The following RPS6KA5 variants were observed in gnomAD, a reference collection of about 807,000 sequenced individuals.
RPS6KA5 encodes ribosomal protein S6 kinase A5, also known as ribosomal protein S6 kinase alpha-5.
Under a neutral mutation model 85.5 loss-of-function variants are expected in RPS6KA5, and 27 were observed. The observed-to-expected ratio is 0.32, with a 90% confidence interval of 0.23 to 0.44. RPS6KA5 has a LOEUF of 0.44. Among genes scored for constraint, RPS6KA5 ranks in the 20% least tolerant of loss-of-function variants. The probability of loss-of-function intolerance (pLI) is 1.00; values close to 1 mark genes in which losing one functional copy is unlikely to be tolerated. For synonymous variants in RPS6KA5, 334 were observed against 348.2 expected (o/e 0.96, Z 0.46); for missense variants, 811 against 980.9 (o/e 0.83, Z 2.31).
chr14:91,019,799 C>T (rs910554203), intron 1 of RPS6KA5, among the ~76,000 whole-genome samples: 4 of 152,186 alleles, frequency 2.6e-5, no homozygotes, highest in Non-Finnish European at 5.9e-5. Flanking sequence ...CGGAACATAA[C>T]CTCATTGTAA....
rs141403125 is a variant in RPS6KA5, at chr14:91,025,128, T to G, written c.104-23969A>C. ...GGTACGATCTCGGCTCACTGCAACCTCAGCCCCCAGGGTTCAAGCAATTCT... is the reference window on the plus strand; with the variant it reads ...GGTACGATCTCGGCTCACTGCAACCGCAGCCCCCAGGGTTCAAGCAATTCT... On this transcript the variant is annotated intron_variant, in intron 1 of 16. Transcript: ENST00000614987. 8.0e-3 allele frequency among the ~76,000 whole-genome samples: 1,220 copies of G among 152,186 alleles called. 10 individuals carry two copies. The highest frequency in any genetic ancestry group is 0.028 in the African/African-American group (1,145 of 41,512).
chr14:91,039,941 A>G (rs1363134066), intron 1 of RPS6KA5, among the ~76,000 whole-genome samples: 1 of 152,248 alleles, frequency 6.6e-6, no homozygotes, highest in Non-Finnish European at 1.5e-5. Flanking sequence ...AACTTAGACT[A>G]TGGTAATGGC....
intron 2 of RPS6KA5, among the ~76,000 whole-genome samples, chr14:90,981,715 A>G (rs952677799): frequency 2.5e-4 from 38 of 152,246 alleles, no homozygotes; most frequent in African/African-American, 8.2e-4. Flanking sequence ...TTTTACTTTT[A>G]TAATTGCCAT....
In RPS6KA5 at chr14:90,894,312, T is replaced by TA. The variant is rs571545899; in HGVS notation, c.1644+100dup. ...TTATCTATTTAACAGCCTTGAAAAGTAAAAAAATAAGGAAACCTCCCCAGA... is the reference window on the plus strand; with the variant it reads ...TTATCTATTTAACAGCCTTGAAAAGTAAAAAAAATAAGGAAACCTCCCCAGA... On this transcript the variant is annotated intron_variant, in intron 13 of 16. Coordinates refer to ENST00000614987, the MANE Select transcript of RPS6KA5 (RefSeq NM_004755.4). The TA allele has an allele frequency of 5.3e-5, 74 of 1,392,740 alleles. No individual in the cohort carries two copies. The African/African-American group carries it at 6.4e-4, about 12-fold the overall frequency. 86.3% of individuals were successfully genotyped at this position (1,392,740 alleles called of 1,614,324 possible).
chr14:90,982,730 G>A (rs566937360), intron 2 of RPS6KA5, among the ~76,000 whole-genome samples: 17 of 152,324 alleles, frequency 1.1e-4, no homozygotes, highest in Admixed American at 9.1e-4. Context: ...TCTAATCCCA[G>A]CACTTTGGGA....
chr14:91,028,992 A>G (rs2042085502), intron 1 of RPS6KA5, among the ~76,000 whole-genome samples: 1 of 152,196 alleles, frequency 6.6e-6, no homozygotes, highest in Non-Finnish European at 1.5e-5. Flanking sequence ...TATCTATTTA[A>G]TTTTTTATTT....
rs532287346 is a variant in RPS6KA5 at position 90,854,703 on chromosome 14, T to C, written c.*17371A>G. 7.2e-5 allele frequency: 11 copies of C among 152,280 alleles called. No individual in the cohort carries two copies. Among genetic ancestry groups the C allele is most frequent in the African/African-American group, 2.6e-4 (11 of 41,544 alleles). The allele number at this position is 152,280 out of a possible 1,614,324, so 9.4% of individuals were successfully genotyped here. On this transcript the variant is annotated 3_prime_UTR_variant, in exon 17 of 17. Transcript: ENST00000614987. ...ATATACTATACTTACTACAAATACA[T>C]TATCTTCTAAGCCCATTCTTATTTT...
At chr14:90,922,513 A>G (rs1165143056) in intron 6 of RPS6KA5, among the ~76,000 whole-genome samples, 3 of 152,200 alleles carry the variant, frequency 2.0e-5, no homozygotes, top group Non-Finnish European at 4.4e-5. Context: ...CAATGGCACA[A>G]TTTCTGCTCA....
At chr14:91,059,471 T>C (rs2043523587) in intron 1 of RPS6KA5, among the ~76,000 whole-genome samples, 1 of 152,022 alleles carries the variant, frequency 6.6e-6, no homozygotes, top group South Asian at 2.1e-4. Context: ...AGTATTAATA[T>C]ATCTACAATA....
intron 1 of RPS6KA5, among the ~76,000 whole-genome samples, chr14:91,034,417 G>C (rs1351675325): frequency 6.6e-6 from 1 of 152,094 alleles, no homozygotes; most frequent in Non-Finnish European, 1.5e-5. Flanking sequence ...GTGGGGTCTA[G>C]CTAGAGGATT....
chr14:91,022,142 T>C (rs1300906288), intron 1 of RPS6KA5, among the ~76,000 whole-genome samples: 1 of 152,258 alleles, frequency 6.6e-6, no homozygotes, highest in East Asian at 1.9e-4. Flanking sequence ...AGGAATGCCT[T>C]ATTCAGTTGA....
At chr14:91,055,401 G>C (rs1435014028) in intron 1 of RPS6KA5, among the ~76,000 whole-genome samples, 1 of 152,170 alleles carries the variant, frequency 6.6e-6, no homozygotes, top group Non-Finnish European at 1.5e-5. Flanking sequence ...AGTGGTGAAT[G>C]CATAAACAAA....
At chr14:90,951,100 CAGAG>C (rs1236754558) in intron 3 of RPS6KA5, among the ~76,000 whole-genome samples, 2 of 115,642 alleles carry the variant, frequency 1.7e-5, no homozygotes, top group African/African-American at 3.4e-5. Flanking sequence ...GCCTGGGCCA[CAGAG>C]AGAGACTCAG....
intron 3 of RPS6KA5, among the ~76,000 whole-genome samples, chr14:90,964,179 AAAACAAAGAAGGC>A (rs2038944641): frequency 6.6e-6 from 1 of 152,236 alleles, no homozygotes; most frequent in Non-Finnish European, 1.5e-5. Flanking sequence ...TTCTCCTGAT[AAAACAAAGAAGGC>A]AACACATGTG....
rs2032399865 is a variant in RPS6KA5, at chr14:90,858,734, A to G, written c.*13340T>C. 2 of 152,198 alleles carry G rather than the reference A, an allele frequency of 1.3e-5. No homozygotes were observed. The highest frequency in any genetic ancestry group is 2.9e-5 in the Non-Finnish European group (2 of 68,044). 9.4% of individuals were successfully genotyped at this position (152,198 alleles called of 1,614,324 possible). ...GAAAGGAGGGAAAAAAGGGAAGCAC[A>G]CTTTGGTGAGCTCTGTGTTCATTTT... On this transcript the variant is annotated 3_prime_UTR_variant, in exon 17 of 17. Coordinates refer to ENST00000614987, the MANE Select transcript of RPS6KA5 (RefSeq NM_004755.4).
intron 2 of RPS6KA5, among the ~76,000 whole-genome samples, chr14:90,998,059 T>C (rs1434924301): frequency 1.4e-5 from 2 of 142,822 alleles, no homozygotes; most frequent in Non-Finnish European, 3.0e-5. Context: ...TACTACAATA[T>C]GAATGAACCT....
intron 2 of RPS6KA5, among the ~76,000 whole-genome samples, chr14:90,992,974 T>C (rs897507449): frequency 2.0e-5 from 3 of 152,236 alleles, no homozygotes; most frequent in Non-Finnish European, 4.4e-5. Context: ...ACTCCACAAA[T>C]GAGACATCGT....
chr14:91,032,945 G>T (rs2042247584), intron 1 of RPS6KA5, among the ~76,000 whole-genome samples: 1 of 151,982 alleles, frequency 6.6e-6, no homozygotes, highest in Non-Finnish European at 1.5e-5. Flanking sequence ...AGGCTGAGGT[G>T]GGCAGATCGA....
intron 1 of RPS6KA5, among the ~76,000 whole-genome samples, chr14:91,021,334 T>G (rs942124604): frequency 2.0e-5 from 3 of 152,132 alleles, no homozygotes; most frequent in Non-Finnish European, 4.4e-5. Flanking sequence ...TCACCATTTT[T>G]TTCAATGCTT....
Sources: allele counts gnomAD v4.1 joint callset (sites outside exome capture counted in the v4.1 genomes callset), GRCh38; gene constraint gnomAD v4.1.1; transcripts MANE v1.5; gene names NCBI Gene and HGNC (gene_info 2026-07-23, HGNC 2026-07-21).